NFATC2: variants seen among roughly 807,000 people sequenced by gnomAD.
NFATC2 encodes nuclear factor of activated T-cells, cytoplasmic 2.
Under a neutral mutation model 87.3 loss-of-function variants are expected in NFATC2, and 22 were observed. That is an observed-to-expected ratio of 0.25 (90% CI 0.18 to 0.36). NFATC2 has a LOEUF of 0.36. NFATC2 is among the 10% of genes least tolerant of loss of function. NFATC2 has a pLI of 1.00. For missense variants in NFATC2, 1,149 were observed against 1,259.1 expected (o/e 0.91, Z 1.32); for synonymous variants, 565 against 542.2 (o/e 1.04, Z -0.58).
chr20:51,497,189 C>G lies in NFATC2; in HGVS notation c.1332+19595G>C, dbSNP rs115329193. On this transcript the variant is annotated intron_variant, in intron 3 of 10. Transcript: ENST00000371564. ...TCTAACTTCTACCAAACCAGGCACC[C>G]TCCGAGGCTCTGTCTCTGCCCAAGG... 7.9e-3 allele frequency among the ~76,000 whole-genome samples: 1,200 copies of G among 152,302 alleles called. 18 individuals carry two copies. Among genetic ancestry groups the G allele is most frequent in the African/African-American group, 0.027 (1,134 of 41,560 alleles).
At chr20:51,522,996 C>G (rs1233303590) in intron 2 of NFATC2, 85 bp downstream of exon 2, 18 of 1,565,540 alleles carry the variant, frequency 1.1e-5, no homozygotes, top group Non-Finnish European at 1.6e-5. Flanking sequence ...AGTCTTAAAC[C>G]TGACTCTGAA....
intron 3 of NFATC2, among the ~76,000 whole-genome samples, chr20:51,479,823 A>G (rs1396745728): frequency 2.0e-5 from 3 of 152,182 alleles, no homozygotes; most frequent in Non-Finnish European, 4.4e-5. Context: ...CATAGGGCAG[A>G]GCCAGGCTCC....
intron 9 of NFATC2, among the ~76,000 whole-genome samples, chr20:51,416,544 CA>C (rs1476310912): frequency 1.3e-5 from 2 of 152,092 alleles, no homozygotes; most frequent in South Asian, 2.1e-4. Context: ...ACGTGGGGGC[CA>C]AAAACTGGTG....
intron 9 of NFATC2, among the ~76,000 whole-genome samples, chr20:51,430,895 G>A (rs1465696224): frequency 6.6e-6 from 1 of 152,072 alleles, no homozygotes. Context: ...GAGGTTTCAG[G>A]GTATATCAGA....
At chr20:51,443,132 A>AAAGAAGC (rs1984591253) in intron 6 of NFATC2, among the ~76,000 whole-genome samples, 6 of 151,228 alleles carry the variant, frequency 4.0e-5, no homozygotes, top group African/African-American at 1.2e-4. Flanking sequence ...TTCTGTGACC[A>AAAGAAGC]TCCCCTTCCC....
intron 1 of NFATC2, among the ~76,000 whole-genome samples, chr20:51,530,093 G>A (rs2076608644): frequency 6.6e-6 from 1 of 152,164 alleles, no homozygotes; most frequent in Non-Finnish European, 1.5e-5. Context: ...ACAGGGAAAG[G>A]GAGGAGCCAG....
At chr20:51,527,797 C>T (rs1568732122) in intron 1 of NFATC2, among the ~76,000 whole-genome samples, 2 of 152,072 alleles carry the variant, frequency 1.3e-5, no homozygotes, top group Admixed American at 1.3e-4. Context: ...CCAAGCAATG[C>T]TACTTTTAGA....
intron 9 of NFATC2, among the ~76,000 whole-genome samples, chr20:51,416,186 C>T (rs957299059): frequency 2.0e-5 from 3 of 151,864 alleles, no homozygotes; most frequent in Admixed American, 6.6e-5. Context: ...CACTTGAACC[C>T]TGAAGGCAGA....
chr20:51,478,349 A>G (rs1223088313), intron 3 of NFATC2, among the ~76,000 whole-genome samples: 2 of 152,254 alleles, frequency 1.3e-5, no homozygotes, highest in African/African-American at 4.8e-5. Flanking sequence ...TCCTGGATTT[A>G]TCAAGAGTTG....
chr20:51,546,284 C>G (rs562631453), upstream of NFATC2, among the ~76,000 whole-genome samples: 2 of 152,276 alleles, frequency 1.3e-5, no homozygotes, highest in South Asian at 4.1e-4. Flanking sequence ...GGTGCCAACC[C>G]ATAAAAGAGT....
At chr20:51,530,595 C>T (rs572793560) in intron 1 of NFATC2, among the ~76,000 whole-genome samples, 1 of 152,262 alleles carries the variant, frequency 6.6e-6, no homozygotes, top group African/African-American at 2.4e-5. Context: ...GGTACCTGGC[C>T]TGCATACGAA....
intron 9 of NFATC2, among the ~76,000 whole-genome samples, chr20:51,414,890 C>G (rs1979821550): frequency 6.6e-6 from 1 of 152,030 alleles, no homozygotes; most frequent in Non-Finnish European, 1.5e-5. Context: ...TTTCTAAATC[C>G]TCATTTTCAC....
rs1485956297 is a variant in NFATC2 at position 51,387,553 on chromosome 20, A to AAATGGATGTTTATGATCACAATTTT, written c.*3918_*3942dup. ...TCAAGGCACTCACAAAAGCTGAGGGAAATGGATGTTTATGATCACAATTTT... is the reference window on the plus strand; with the variant it reads ...TCAAGGCACTCACAAAAGCTGAGGGAAATGGATGTTTATGATCACAATTTTAATGGATGTTTATGATCACAATTTT... On this transcript the variant is annotated 3_prime_UTR_variant, in exon 11 of 11. Transcript: ENST00000371564. 1 of 152,206 alleles carries AAATGGATGTTTATGATCACAATTTT rather than the reference A, an allele frequency of 6.6e-6. No homozygotes were observed. Among genetic ancestry groups the AAATGGATGTTTATGATCACAATTTT allele is most frequent in the Non-Finnish European group, 1.5e-5 (1 of 68,036 alleles). 9.4% of individuals were successfully genotyped at this position (152,206 alleles called of 1,614,324 possible).
chr20:51,542,335 G>A, intron 1 of NFATC2, 35 bp downstream of exon 1: 1 of 1,592,510 alleles, frequency 6.3e-7, no homozygotes, highest in Non-Finnish European at 8.5e-7. Context: ...CCCCTGGCGG[G>A]CTCAGGGGCC....
intron 3 of NFATC2, among the ~76,000 whole-genome samples, chr20:51,493,426 A>G (rs2075933077): frequency 6.6e-6 from 1 of 152,194 alleles, no homozygotes; most frequent in Admixed American, 6.5e-5. Context: ...CAACTGAGTG[A>G]TGTGAAATTG....
At chr20:51,419,349 C>A (rs1334725495) in intron 9 of NFATC2, among the ~76,000 whole-genome samples, 2 of 152,206 alleles carry the variant, frequency 1.3e-5, no homozygotes, top group African/African-American at 4.8e-5. Flanking sequence ...CATAACAAGA[C>A]TCTGGCCAAT....
intron 1 of NFATC2, among the ~76,000 whole-genome samples, chr20:51,552,843 T>C (rs2076945528): frequency 6.6e-6 from 1 of 152,134 alleles, no homozygotes; most frequent in Admixed American, 6.5e-5. Flanking sequence ...CTGGGATACA[T>C]GTGCAGGACG....
chr20:51,412,944 C>T (rs1200111160), intron 9 of NFATC2, among the ~76,000 whole-genome samples: 5 of 131,018 alleles, frequency 3.8e-5, no homozygotes, highest in East Asian at 2.3e-4. Flanking sequence ...ATGAGGCCGC[C>T]GACCCCACCC....
Position 51,389,218 on chromosome 20 carries a change from G to A in NFATC2, c.*2278C>T, listed in dbSNP as rs1986076122. 6.6e-6 allele frequency: 1 copy of A among 152,200 alleles called. No homozygotes were observed. The highest frequency in any genetic ancestry group is 6.5e-5 in the Admixed American group (1 of 15,284). The allele number at this position is 152,200 out of a possible 1,614,324, so 9.4% of individuals were successfully genotyped here. ...GAGGCCGTTTTTGCTAACATAGTTAGAAAACTGATGGAAAATGCATTAGTC... is the reference window on the plus strand; with the variant it reads ...GAGGCCGTTTTTGCTAACATAGTTAAAAAACTGATGGAAAATGCATTAGTC... On this transcript the variant is annotated 3_prime_UTR_variant, in exon 11 of 11. Transcript: ENST00000371564.
Sources: allele counts gnomAD v4.1 joint callset (sites outside exome capture counted in the v4.1 genomes callset), GRCh38; gene constraint gnomAD v4.1.1; transcripts MANE v1.5; gene names NCBI Gene and HGNC (gene_info 2026-07-23, HGNC 2026-07-21).